RBMS3: variants seen among roughly 807,000 people sequenced by gnomAD.
RBMS3 encodes RNA-binding motif, single-stranded-interacting protein 3.
In RBMS3, 27 loss-of-function variants were observed where a neutral mutation model predicts 66.8. That is an observed-to-expected ratio of 0.40 (90% CI 0.30 to 0.56). RBMS3 has a LOEUF of 0.56. Among genes scored for constraint, RBMS3 ranks in the 20% least tolerant of loss-of-function variants. The probability of loss-of-function intolerance (pLI) is 0.40; values close to 1 mark genes in which losing one functional copy is unlikely to be tolerated. For missense variants in RBMS3, 513 were observed against 549.5 expected, an observed-to-expected ratio of 0.93 and a Z score of 0.66; for synonymous variants, 188 against 183.0, an observed-to-expected ratio of 1.03 and a Z score of -0.22.
intron 1 of RBMS3, among the ~76,000 whole-genome samples, chr3:29,343,292 T>C (rs938890842): frequency 5.3e-5 from 8 of 152,098 alleles, no homozygotes; most frequent in African/African-American, 1.7e-4. Flanking sequence ...TCTTAAGATA[T>C]AGCCAGTTAC....
chr3:29,299,947 C>T (rs905559999), intron 1 of RBMS3, among the ~76,000 whole-genome samples: 1 of 151,464 alleles, frequency 6.6e-6, no homozygotes, highest in Non-Finnish European at 1.5e-5. Context: ...AGTTTAATAT[C>T]CTAGATATAA....
intron 1 of RBMS3, among the ~76,000 whole-genome samples, chr3:29,307,863 G>T (rs1399124461): frequency 1.3e-5 from 2 of 151,604 alleles, no homozygotes; most frequent in Non-Finnish European, 2.9e-5. Context: ...TAAACAATTT[G>T]TTATTCATCT....
In RBMS3 at chr3:29,569,832, A is replaced by C. The variant is rs149862874; in HGVS notation, c.308-17282A>C. 3.9e-3 allele frequency among the ~76,000 whole-genome samples: 594 copies of C among 152,298 alleles called. 5 individuals are homozygous for C. Among genetic ancestry groups the C allele is most frequent in the African/African-American group, 0.013 (546 of 41,580 alleles). On this transcript the variant is annotated intron_variant, in intron 3 of 14. Transcript: ENST00000383767. ...AAAAATCTTTCCAAATCTTGGAATA[A>C]AATCAGTTTTGCAAGTTAAGAAACA...
At chr3:29,805,711 AGCT>A (rs1468926477) in intron 6 of RBMS3, among the ~76,000 whole-genome samples, 2 of 152,122 alleles carry the variant, frequency 1.3e-5, no homozygotes, top group African/African-American at 4.8e-5. Context: ...TTTTTTGTAC[AGCT>A]GTACAATGTG....
At position 30,005,973 on chromosome 3, in the gene RBMS3, A is replaced by T. The variant is rs58884866; in HGVS notation, c.*2111A>T. On this transcript the variant is annotated 3_prime_UTR_variant, in exon 15 of 15. Coordinates refer to ENST00000383767, the MANE Select transcript of RBMS3 (RefSeq NM_001003793.3). ...AATTAAATTGACCCACCTGTAAAAT[A>T]TATCTACATTTTTAATTCATGAGAT... 1 of 151,880 alleles carries T rather than the reference A, an allele frequency of 6.6e-6. No homozygotes were observed. The highest frequency in any genetic ancestry group is 1.5e-5 in the Non-Finnish European group (1 of 67,868). 9.4% of individuals were successfully genotyped at this position (151,880 alleles called of 1,614,324 possible).
At chr3:29,859,816 G>T (rs1193573191) in intron 6 of RBMS3, among the ~76,000 whole-genome samples, 1 of 152,096 alleles carries the variant, frequency 6.6e-6, no homozygotes, top group African/African-American at 2.4e-5. Context: ...GTAAATTGTG[G>T]TTGAAATTGA....
rs34553455 is a variant in RBMS3, at chr3:29,836,781, C to CTATATA, written c.638-32061_638-32056dup. On this transcript the variant is annotated intron_variant, in intron 6 of 14. Transcript: ENST00000383767. ...TAGCTTGACTGTGGTAACCATTTCA[C>CTATATA]TATATATATATATATATATATCTGA... Among the ~76,000 whole-genome samples the CTATATA allele has an allele frequency of 3.4e-3, 491 of 146,016 alleles. 1 individual carries two copies. Among genetic ancestry groups the CTATATA allele is most frequent in the African/African-American group, 7.9e-3 (313 of 39,842 alleles).
intron 1 of RBMS3, among the ~76,000 whole-genome samples, chr3:29,295,207 T>C (rs898092399): frequency 1.3e-5 from 2 of 150,090 alleles, no homozygotes; most frequent in Admixed American, 6.7e-5. Flanking sequence ...ATGTTTGTTC[T>C]GCAGTGTTCT....
At chr3:29,998,624 T>C (rs1181570224) in intron 14 of RBMS3, among the ~76,000 whole-genome samples, 3 of 152,136 alleles carry the variant, frequency 2.0e-5, no homozygotes, top group Non-Finnish European at 4.4e-5. Context: ...TATCTACAAC[T>C]ATCTAATCTT....
intron 6 of RBMS3, among the ~76,000 whole-genome samples, chr3:29,824,935 C>G (rs769048722): frequency 4.5e-4 from 68 of 151,938 alleles, no homozygotes; most frequent in Admixed American, 1.3e-3. Context: ...TTCTGAAATT[C>G]AATTATTAAT....
At chr3:29,497,973 A>ATTTTTTT (rs779555263) in intron 3 of RBMS3, among the ~76,000 whole-genome samples, 453 of 43,438 alleles carry the variant, frequency 0.01, 130 homozygotes, top group East Asian at 0.032. Context: ...AAAAGTATTC[A>ATTTTTTT]TTTTTTTTTT....
intron 10 of RBMS3, among the ~76,000 whole-genome samples, chr3:29,923,941 G>T (rs1490976016): frequency 1.3e-5 from 2 of 151,998 alleles, no homozygotes; most frequent in Non-Finnish European, 2.9e-5. Flanking sequence ...ATAATAGTTT[G>T]GTTTCCCACC....
chr3:29,577,212 G>T (rs1294785367), intron 3 of RBMS3, among the ~76,000 whole-genome samples: 1 of 152,140 alleles, frequency 6.6e-6, no homozygotes, highest in Non-Finnish European at 1.5e-5. Context: ...GAGAGCTAGG[G>T]CCCAGATTAG....
chr3:29,672,891 GAT>G (rs764369464), intron 4 of RBMS3, among the ~76,000 whole-genome samples: 1 of 152,130 alleles, frequency 6.6e-6, no homozygotes, highest in Non-Finnish European at 1.5e-5. Flanking sequence ...AGGTAACAAG[GAT>G]ATCCAGGCCT....
chr3:29,499,488 C>T (rs1443644425), intron 3 of RBMS3, among the ~76,000 whole-genome samples: 1 of 152,080 alleles, frequency 6.6e-6, no homozygotes, highest in Non-Finnish European at 1.5e-5. Context: ...AGCTCAGATG[C>T]CTGCTTATCT....
At chr3:29,541,703 G>T (rs1226337411) in intron 3 of RBMS3, among the ~76,000 whole-genome samples, 1 of 152,150 alleles carries the variant, frequency 6.6e-6, no homozygotes, top group Non-Finnish European at 1.5e-5. Flanking sequence ...AACTCCAGTG[G>T]CTTCCTGTCT....
intron 2 of RBMS3, among the ~76,000 whole-genome samples, chr3:29,472,805 A>G (rs1031797249): frequency 6.6e-6 from 1 of 152,082 alleles, no homozygotes; most frequent in African/African-American, 2.4e-5. Flanking sequence ...CAGCAGCAAG[A>G]TTTATTGCAA....
rs189415809 is a variant in RBMS3, at chr3:29,583,320, G to A, written c.308-3794G>A. 6.4e-4 allele frequency among the ~76,000 whole-genome samples: 97 copies of A among 152,216 alleles called. No individual in the cohort carries two copies. The Middle Eastern group carries it at 0.014, about 21-fold the overall frequency. On this transcript the variant is annotated intron_variant, in intron 3 of 14. Transcript: ENST00000383767. Reference sequence around the variant, plus strand: ...AGGCACGCTAGACTAAAGGGTGGGAGCCATAAAATAAGAGGCTGCCTGCTG... The same window carrying A: ...AGGCACGCTAGACTAAAGGGTGGGAACCATAAAATAAGAGGCTGCCTGCTG...
intron 4 of RBMS3, among the ~76,000 whole-genome samples, chr3:29,717,756 T>G (rs1350189963): frequency 6.6e-6 from 1 of 152,174 alleles, no homozygotes; most frequent in Non-Finnish European, 1.5e-5. Context: ...GATTCTAGTA[T>G]AAACTTCAAA....
Sources: gnomAD v4.1 joint callset for allele counts (sites outside exome capture counted in the v4.1 genomes callset) on GRCh38, gnomAD v4.1.1 for gene constraint, MANE v1.5 for transcripts, NCBI Gene and HGNC (gene_info 2026-07-23, HGNC 2026-07-21) for gene names.